Variants in PRKAG2 observed in about 807,000 individuals in gnomAD.
PRKAG2 encodes 5'-AMP-activated protein kinase subunit gamma-2.
A neutral mutation model predicts 69.6 loss-of-function variants in PRKAG2; 26 were observed. That is an observed-to-expected ratio of 0.37 (90% CI 0.27 to 0.52). The LOEUF is 0.52. Among genes scored for constraint, PRKAG2 ranks in the 20% least tolerant of loss-of-function variants. The pLI is 0.90. For synonymous variants in PRKAG2, 293 were observed against 285.0 expected (o/e 1.03, Z -0.28); for missense variants, 557 against 740.0 (o/e 0.75, Z 2.87).
intron 1 of PRKAG2, among the ~76,000 whole-genome samples, chr7:151,793,459 G>A (rs1045670867): frequency 3.9e-5 from 6 of 152,250 alleles, no homozygotes; most frequent in African/African-American, 1.4e-4. Flanking sequence ...GGCCTGGGCT[G>A]TGGGATCCAG....
At chr7:151,570,422 G>C (rs1807270243) in intron 9 of PRKAG2, among the ~76,000 whole-genome samples, 197 bp from the exon 10 acceptor site, 1 of 152,136 alleles carries the variant, frequency 6.6e-6, no homozygotes, top group African/African-American at 2.4e-5. Flanking sequence ...ACTGTTTTCA[G>C]GATGTTGCAT....
At chr7:151,804,783 A>G (rs1312164185) in intron 1 of PRKAG2, among the ~76,000 whole-genome samples, 3 of 152,170 alleles carry the variant, frequency 2.0e-5, no homozygotes. Context: ...ATCCTGTGGA[A>G]CTGCTTCTCA....
chr7:151,594,211 C>G, intron 6 of PRKAG2, among the ~76,000 whole-genome samples: 1 of 152,348 alleles, frequency 6.6e-6, no homozygotes, highest in Non-Finnish European at 1.5e-5. Context: ...CTTCCCCTGC[C>G]CTGCTCTTCC....
intron 3 of PRKAG2, among the ~76,000 whole-genome samples, chr7:151,733,128 C>A (rs1411400589): frequency 2.0e-5 from 3 of 152,218 alleles, no homozygotes; most frequent in African/African-American, 7.2e-5. Context: ...GTATCCACGC[C>A]CAACACTGTC....
At chr7:151,751,098 CTTT>C (rs11386133) in intron 3 of PRKAG2, among the ~76,000 whole-genome samples, 4 of 130,860 alleles carry the variant, frequency 3.1e-5, no homozygotes, top group African/African-American at 2.9e-5. Context: ...TCAAAGATTC[CTTT>C]TTTTTTTTTT....
At chr7:151,774,756 G>A (rs746747340) in intron 3 of PRKAG2, among the ~76,000 whole-genome samples, 35 of 152,228 alleles carry the variant, frequency 2.3e-4, no homozygotes, top group Non-Finnish European at 4.4e-4. Context: ...GCAGTGAGCC[G>A]AGATCTCGCC....
At chr7:151,667,387 G>A (rs553990173) in intron 4 of PRKAG2, among the ~76,000 whole-genome samples, 68 of 152,294 alleles carry the variant, frequency 4.5e-4, no homozygotes, top group Non-Finnish European at 7.6e-4. Flanking sequence ...TCTAAAAATA[G>A]CCAAATGAAC....
At chr7:151,797,437 C>A (rs561848933) in intron 1 of PRKAG2, among the ~76,000 whole-genome samples, 1 of 152,148 alleles carries the variant, frequency 6.6e-6, no homozygotes, top group Non-Finnish European at 1.5e-5. Context: ...AGAGAGGACA[C>A]CTCTGAACGA....
chr7:151,598,387 G>GCAATATTGTTA (rs1815160144), intron 5 of PRKAG2, among the ~76,000 whole-genome samples: 1 of 152,142 alleles, frequency 6.6e-6, no homozygotes, highest in Admixed American at 6.5e-5. Context: ...ACAGTGGGGT[G>GCAATATTGTTA]ACTATAGTTA....
intron 1 of PRKAG2, among the ~76,000 whole-genome samples, chr7:151,796,738 G>A (rs1464187377): frequency 6.6e-6 from 1 of 152,166 alleles, no homozygotes; most frequent in Non-Finnish European, 1.5e-5. Context: ...CTGACACGGG[G>A]AGAGTGGTCA....
intron 14 of PRKAG2, among the ~76,000 whole-genome samples, chr7:151,563,461 C>T (rs1584931493): frequency 6.6e-6 from 1 of 151,990 alleles, no homozygotes; most frequent in African/African-American, 2.4e-5. Flanking sequence ...ACTGACTTAT[C>T]ATTCACTTTG....
At chr7:151,676,849 G>T (rs1164224382) in intron 3 of PRKAG2, among the ~76,000 whole-genome samples, 3 of 152,214 alleles carry the variant, frequency 2.0e-5, no homozygotes, top group African/African-American at 7.2e-5. Flanking sequence ...AAGAGGAAAA[G>T]AGACACAGAA....
intron 5 of PRKAG2, among the ~76,000 whole-genome samples, chr7:151,625,611 A>C (rs1262330885): frequency 6.6e-6 from 1 of 152,202 alleles, no homozygotes; most frequent in Admixed American, 6.5e-5. Flanking sequence ...CCATAGGAAG[A>C]TGACACTGGC....
At chr7:151,636,838 G>A (rs534907174) in intron 4 of PRKAG2, among the ~76,000 whole-genome samples, 1 of 151,356 alleles carries the variant, frequency 6.6e-6, no homozygotes, top group Non-Finnish European at 1.5e-5. Flanking sequence ...CCGAGTAGCT[G>A]GGACTACAGG....
At chr7:151,755,223 G>A (rs1209117534) in intron 3 of PRKAG2, among the ~76,000 whole-genome samples, 1 of 152,200 alleles carries the variant, frequency 6.6e-6, no homozygotes, top group African/African-American at 2.4e-5. Context: ...CACACCCACA[G>A]CTGGGAGTGA....
At chr7:151,598,184 G>A (rs1815099489) in intron 5 of PRKAG2, among the ~76,000 whole-genome samples, 3 of 152,278 alleles carry the variant, frequency 2.0e-5, no homozygotes, top group Non-Finnish European at 4.4e-5. Flanking sequence ...AGGACACTGT[G>A]TTACATGAAA....
At chr7:151,870,160 GGC>G (rs1563769307) in intron 1 of PRKAG2, among the ~76,000 whole-genome samples, 6 of 126,826 alleles carry the variant, frequency 4.7e-5, no homozygotes, top group Non-Finnish European at 1.1e-4. Context: ...TAGATAGGCA[GGC>G]AGGCAGGCAG....
At chr7:151,846,613 C>T (rs1256605814) in intron 1 of PRKAG2, among the ~76,000 whole-genome samples, 1 of 152,172 alleles carries the variant, frequency 6.6e-6, no homozygotes, top group East Asian at 1.9e-4. Context: ...AGGACGCTGG[C>T]AGGAGGTGGT....
chr7:151,650,643 GCTT>G (rs1828338389), intron 4 of PRKAG2, among the ~76,000 whole-genome samples: 1 of 152,172 alleles, frequency 6.6e-6, no homozygotes, highest in Non-Finnish European at 1.5e-5. Context: ...GGCGTCATTT[GCTT>G]TTTACCCACC....
Sources: gnomAD v4.1 joint callset for allele counts (sites outside exome capture counted in the v4.1 genomes callset) on GRCh38, gnomAD v4.1.1 for gene constraint, MANE v1.5 for transcripts, NCBI Gene and HGNC (gene_info 2026-07-23, HGNC 2026-07-21) for gene names.